Variants in ANXA13 observed in about 807,000 individuals in gnomAD.
ANXA13 encodes the protein annexin A13.
A neutral mutation model predicts 46.6 loss-of-function variants in ANXA13; 36 were observed. The ratio of observed to expected loss-of-function variants is 0.77; its 90% confidence interval spans 0.59 to 1.02. The LOEUF (loss-of-function observed/expected upper bound fraction) is 1.02, where lower values mean the gene tolerates loss of function less well. Among genes scored for constraint, ANXA13 ranks in the 50% least tolerant of loss-of-function variants. The pLI, the probability that ANXA13 is intolerant of heterozygous loss-of-function variation, is 0.00. For missense variants in ANXA13, 417 were observed against 396.5 expected (o/e 1.05, Z -0.44); for synonymous variants, 163 against 152.9 (o/e 1.07, Z -0.49).
At chr8:123,717,852 G>A (rs1325232705) in intron 1 of ANXA13, among the ~76,000 whole-genome samples, 5 of 152,232 alleles carry the variant, frequency 3.3e-5, no homozygotes, top group African/African-American at 1.2e-4. Flanking sequence ...ACCACGCCAC[G>A]TGAGGCGCAT....
rs116843347 is a variant in ANXA13, at chr8:123,691,487, C to G, written c.642+1710G>C. Among the ~76,000 whole-genome samples, 745 of 152,342 alleles carry G rather than the reference C, an allele frequency of 4.9e-3. 2 individuals carry two copies. The highest frequency in any genetic ancestry group is 6.8e-3 in the Middle Eastern group (2 of 294). ...TCTGTTCACCCAGGGAGACGCCCGA[C>G]AATTGCTAATGTTCATTGAACGCCT... On this transcript the variant is annotated intron_variant, in intron 8 of 10. Coordinates refer to ENST00000419625, the MANE Select transcript of ANXA13 (RefSeq NM_004306.4).
rs773513118 is a variant in ANXA13, at chr8:123,695,570, T to G, written c.403A>C (p.Ser135Arg). The change falls in exon 6 of 11, where the codon AGC becomes CGC. Residue 135 changes from serine to arginine, a missense_variant. By Grantham distance (110) the Ser-to-Arg change is moderately radical. Transcript: ENST00000419625. ...KEAYQRLFDR[S>R]LESDVKGDTS... ...TCACCTTTGACATCTGATTCGAGGC[T>G]CCTATCAAATACTTCGAAGGAAGTA... The G allele has an allele frequency of 7.4e-6, 12 of 1,614,042 alleles. No individual in the cohort carries two copies. Among genetic ancestry groups the G allele is most frequent in the Non-Finnish European group, 1.0e-5 (12 of 1,179,966 alleles).
At chr8:123,731,526 A>G (rs1814116735) in intron 1 of ANXA13, among the ~76,000 whole-genome samples, 1 of 152,182 alleles carries the variant, frequency 6.6e-6, no homozygotes, top group Non-Finnish European at 1.5e-5. Flanking sequence ...TGAACAAAAT[A>G]CAATTCTACC....
intron 1 of ANXA13, among the ~76,000 whole-genome samples, chr8:123,719,808 T>C (rs927449106): frequency 6.6e-6 from 1 of 152,264 alleles, no homozygotes; most frequent in African/African-American, 2.4e-5. Flanking sequence ...ATTGCTGTTT[T>C]GCCCTTTGCT....
chr8:123,735,830 C>T (rs1318342384), intron 1 of ANXA13: 13 of 1,612,106 alleles, frequency 8.1e-6, no homozygotes, highest in East Asian at 2.2e-5. Context: ...GTTGGGAGTC[C>T]CCTTTAGGCA....
intron 4 of ANXA13, among the ~76,000 whole-genome samples, chr8:123,696,676 G>C (rs1813345032): frequency 6.6e-6 from 1 of 152,182 alleles, no homozygotes; most frequent in South Asian, 2.1e-4. Context: ...GGAAGGGCAG[G>C]CTAGGTGCTG....
chr8:123,697,485 C>G lies in ANXA13; in HGVS notation c.357+904G>C, dbSNP rs185121629. On this transcript the variant is annotated intron_variant, in intron 4 of 10. Transcript: ENST00000419625. The stretch of plus-strand genomic sequence containing the variant: ...GGGGATGCTCCAGAAAAGGTTTGCA[C>G]CTGTAGCCTGGACCCTGGCGGCACT... 2.3e-3 allele frequency among the ~76,000 whole-genome samples: 352 copies of G among 152,276 alleles called. 1 individual carries two copies. The highest frequency in any genetic ancestry group is 8.0e-3 in the African/African-American group (331 of 41,544).
chr8:123,698,404 G>T lies in ANXA13; in HGVS notation c.342C>A (p.Cys114Ter). ...TGGGACTGACCTTATTGGTCCTCGT[G>T]CACAGGACCTCAATGAGGACGGACT... ...TDESVLIEVL[C>*]TRTNKEIIAI... The change falls in exon 4 of 11, where the codon TGC becomes TGA. Residue 114 changes from cysteine (C) to a stop codon, truncating the protein, a stop_gained. Coordinates refer to ENST00000419625, the MANE Select transcript of ANXA13 (RefSeq NM_004306.4). LOFTEE classifies it high-confidence loss of function. 6.2e-7 allele frequency: 1 copy of T among 1,614,104 alleles called. No individual in the cohort carries two copies. The highest frequency in any genetic ancestry group is 1.1e-5 in the South Asian group (1 of 91,078).
At chr8:123,705,652 C>G (rs1455852971) in intron 2 of ANXA13, among the ~76,000 whole-genome samples, 2 of 152,228 alleles carry the variant, frequency 1.3e-5, no homozygotes, top group Non-Finnish European at 2.9e-5. Context: ...GTGTCACTTA[C>G]TGCTGTCTTG....
intron 1 of ANXA13, among the ~76,000 whole-genome samples, chr8:123,733,140 G>A (rs1814158843): frequency 6.6e-6 from 1 of 152,008 alleles, no homozygotes; most frequent in African/African-American, 2.4e-5. Flanking sequence ...TCCAGCCTGG[G>A]CAACAGAGCA....
At chr8:123,691,839 T>G (rs1361763701) in intron 8 of ANXA13, among the ~76,000 whole-genome samples, 1 of 152,128 alleles carries the variant, frequency 6.6e-6, no homozygotes, top group Non-Finnish European at 1.5e-5. Flanking sequence ...GGATCAACTT[T>G]GAGATATTAG....
intron 2 of ANXA13, among the ~76,000 whole-genome samples, chr8:123,704,742 G>C (rs1813509482): frequency 6.6e-6 from 1 of 152,138 alleles, no homozygotes; most frequent in Non-Finnish European, 1.5e-5. Context: ...AGATGGCTTT[G>C]TACCTCCTTT....
intron 2 of ANXA13, among the ~76,000 whole-genome samples, chr8:123,710,195 C>T (rs1852166325): frequency 6.6e-6 from 1 of 152,234 alleles, no homozygotes; most frequent in South Asian, 2.1e-4. Flanking sequence ...AAGTAAATCT[C>T]TACTAATCCA....
chr8:123,711,471 C>G (rs1250523486), intron 2 of ANXA13, among the ~76,000 whole-genome samples: 2 of 152,168 alleles, frequency 1.3e-5, no homozygotes, highest in African/African-American at 4.8e-5. Context: ...CTCATCCCAC[C>G]CTGGTCCCTG....
intron 2 of ANXA13, among the ~76,000 whole-genome samples, chr8:123,703,357 A>AG (rs926883421): frequency 7.1e-6 from 1 of 141,748 alleles, no homozygotes; most frequent in African/African-American, 2.6e-5. Context: ...TGGGCTGCCT[A>AG]GGGGGATGGT....
intron 1 of ANXA13, among the ~76,000 whole-genome samples, chr8:123,729,502 A>G (rs1355253364): frequency 6.6e-6 from 1 of 152,148 alleles, no homozygotes; most frequent in Non-Finnish European, 1.5e-5. Flanking sequence ...AGCTTTGCAG[A>G]AAGATTTTCC....
intron 1 of ANXA13, among the ~76,000 whole-genome samples, chr8:123,719,947 C>A (rs754215755): frequency 6.6e-6 from 1 of 151,910 alleles, no homozygotes; most frequent in Non-Finnish European, 1.5e-5. Context: ...TGTAGTAGCA[C>A]GGTGCTGGAT....
intron 10 of ANXA13, among the ~76,000 whole-genome samples, chr8:123,682,913 G>T (rs1430491857): frequency 1.3e-5 from 2 of 152,142 alleles, no homozygotes; most frequent in African/African-American, 4.8e-5. Context: ...ACACTCCGTG[G>T]GCCATGTCGG....
At chr8:123,709,528 T>C (rs1184511377) in intron 2 of ANXA13, among the ~76,000 whole-genome samples, 1 of 152,082 alleles carries the variant, frequency 6.6e-6, no homozygotes, top group African/African-American at 2.4e-5. Context: ...GAGGTTGCAG[T>C]TTTTTGAATT....
Sources: allele counts gnomAD v4.1 joint callset (sites outside exome capture counted in the v4.1 genomes callset), GRCh38; gene constraint gnomAD v4.1.1; transcripts MANE v1.5; gene names NCBI Gene and HGNC (gene_info 2026-07-23, HGNC 2026-07-21).